The following PARP15 variants were observed in gnomAD, a reference collection of about 807,000 sequenced individuals.
PARP15 encodes the protein poly(ADP-ribose) polymerase family member 15, also known as protein mono-ADP-ribosyltransferase PARP15.
In PARP15, 50 loss-of-function variants were observed where a neutral mutation model predicts 62.1. The ratio of observed to expected loss-of-function variants is 0.81; its 90% CI spans 0.64 to 1.02. PARP15 has a LOEUF of 1.02. Among genes scored for constraint, PARP15 ranks in the 50% least tolerant of loss-of-function variants. The pLI is 0.00. For missense variants in PARP15, 820 were observed against 826.5 expected (o/e 0.99, Z 0.10); for synonymous variants, 309 against 293.1 (o/e 1.05, Z -0.55).
intron 1 of PARP15, among the ~76,000 whole-genome samples, chr3:122,595,536 C>T (rs1420941386): frequency 2.6e-5 from 4 of 152,142 alleles, no homozygotes; most frequent in Non-Finnish European, 5.9e-5. Flanking sequence ...TTTTGTCCTA[C>T]CTCAGTGGCT....
chr3:122,598,094 T>C (rs772530953), intron 1 of PARP15, among the ~76,000 whole-genome samples: 10 of 152,230 alleles, frequency 6.6e-5, no homozygotes, highest in Non-Finnish European at 8.8e-5. Flanking sequence ...TTCATATTGC[T>C]GGTATAGTGG....
At chr3:122,579,997 A>ATGTG (rs748862802) in intron 1 of PARP15, among the ~76,000 whole-genome samples, 3 of 54,432 alleles carry the variant, frequency 5.5e-5, no homozygotes, top group African/African-American at 1.6e-4. Context: ...CAGCAACTAT[A>ATGTG]TGTATATATA....
At chr3:122,631,585 A>C (rs1399646608) in intron 9 of PARP15, among the ~76,000 whole-genome samples, 1 of 152,236 alleles carries the variant, frequency 6.6e-6, no homozygotes, top group Non-Finnish European at 1.5e-5. Flanking sequence ...CTTATGGGAA[A>C]GCATTCTCTC....
At chr3:122,578,355 C>A (rs913546256) in intron 1 of PARP15, among the ~76,000 whole-genome samples, 3 of 152,252 alleles carry the variant, frequency 2.0e-5, no homozygotes, top group South Asian at 2.1e-4. Context: ...GCTTCTAGTA[C>A]TTGAACTGAT....
chr3:122,605,561 GT>G (rs1935105584), intron 1 of PARP15, among the ~76,000 whole-genome samples: 1 of 152,100 alleles, frequency 6.6e-6, no homozygotes, highest in Non-Finnish European at 1.5e-5. Flanking sequence ...TATAAGGAAA[GT>G]TTACTTATTT....
chr3:122,629,225 C>G (rs559370248), intron 9 of PARP15, among the ~76,000 whole-genome samples: 1 of 152,206 alleles, frequency 6.6e-6, no homozygotes, highest in South Asian at 2.1e-4. Flanking sequence ...TGCAGTGGTG[C>G]AATCTTGGCT....
rs764420186 is a variant in PARP15, at chr3:122,626,934, A to G, written c.1339A>G (p.Ile447Val). 1 of 1,614,004 alleles carries G rather than the reference A, an allele frequency of 6.2e-7. No homozygotes were observed. The highest frequency in any genetic ancestry group is 1.7e-5 in the Admixed American group (1 of 60,020). The change falls in exon 9 of 12, where the codon ATT (isoleucine) becomes GTT (valine). Residue 447 changes from isoleucine to valine, a missense_variant. By Grantham distance (29) the Ile-to-Val change is conservative (BLOSUM62 3). Coordinates refer to ENST00000464300, the MANE Select transcript of PARP15 (RefSeq NM_001113523.3). Reference protein sequence around the residue: ...TPSLKTVKVVIFQPELLNIFY... With the variant: ...TPSLKTVKVVVFQPELLNIFY... ...ATCATTAAAAACAGTTAAAGTTGTC[A>G]TTTTTCAACCTGAGCTGCTAAATAT... is the stretch of plus-strand genomic sequence containing the variant.
At position 122,632,090 on chromosome 3, in the gene PARP15, T is replaced by A; in HGVS notation, c.1443T>A (p.Asn481Lys). The A allele has an allele frequency of 6.2e-7, 1 of 1,614,012 alleles. No homozygotes were observed. Among genetic ancestry groups the A allele is most frequent in the East Asian group, 2.2e-5 (1 of 44,870 alleles). ...FQSTFSMTTC[N>K]LPEHWTDMNH... is the part of the protein sequence containing the mutation. ...GACCAAATGCTGACTTTCCAGGTAA[T>A]CTTCCTGAACACTGGACTGACATGA... is the stretch of plus-strand genomic sequence containing the variant. The change falls in exon 10 of 12, where the codon AAT becomes AAA. Residue 481 changes from asparagine (N) to lysine (K), a missense_variant. Asn to Lys is a moderately conservative substitution (Grantham distance 94). Around this residue, in one of 3 missense-constraint regions of PARP15, gnomAD observed 731 missense variants for 727.7 expected, o/e 1.00. Coordinates refer to ENST00000464300, the MANE Select transcript of PARP15 (RefSeq NM_001113523.3).
At chr3:122,583,534 A>G (rs13433896) in intron 1 of PARP15, among the ~76,000 whole-genome samples, 56,398 of 151,898 alleles carry the variant, frequency 0.37, 10,887 homozygotes, top group Admixed American at 0.46. Context: ...GCCAGACATT[A>G]TATGAATTTC....
intron 6 of PARP15, 116 bp from the exon 7 acceptor site, chr3:122,619,665 G>T (rs1936212048): frequency 3.5e-6 from 3 of 853,502 alleles, no homozygotes; most frequent in Non-Finnish European, 6.0e-6. Flanking sequence ...CGGGCGTGGG[G>T]GTGGTCAATG....
chr3:122,611,008 A>T (rs1366576801), intron 3 of PARP15, among the ~76,000 whole-genome samples: 2 of 152,108 alleles, frequency 1.3e-5, no homozygotes, highest in Middle Eastern at 3.2e-3. Context: ...ATTACATTCC[A>T]TGGAGAATTC....
At chr3:122,634,746 T>C (rs1341730567) in intron 10 of PARP15, among the ~76,000 whole-genome samples, 3 of 152,236 alleles carry the variant, frequency 2.0e-5, no homozygotes, top group African/African-American at 7.2e-5. Flanking sequence ...ATCATTTAGA[T>C]ATAAACCGCA....
At chr3:122,635,731 C>T (rs374694785) in intron 11 of PARP15, 80 bp from the exon 12 acceptor site, 1 of 1,478,772 alleles carries the variant, frequency 6.8e-7, no homozygotes. Flanking sequence ...ATTTAGAAAA[C>T]AATTTTGTCA....
At chr3:122,634,444 G>A (rs1233722170) in intron 10 of PARP15, among the ~76,000 whole-genome samples, 1 of 152,198 alleles carries the variant, frequency 6.6e-6, no homozygotes, top group East Asian at 1.9e-4. Flanking sequence ...CCAGTAGAGG[G>A]TGATATTTTG....
At position 122,621,583 on chromosome 3, in the gene PARP15, A is replaced by T. The variant is rs772169717; in HGVS notation, c.1203A>T (p.Thr401=). ...AAGAGTGTGAACAGAGGAAGTACACATCGGTTTCCCTTCCAGCCATTGGAA... is the reference window on the plus strand; with the variant it reads ...AAGAGTGTGAACAGAGGAAGTACACTTCGGTTTCCCTTCCAGCCATTGGAA... ...VLEECEQRKY[T]SVSLPAIGTG... Residue 401 remains threonine, a synonymous_variant, in exon 8 of 12, where the codon ACA becomes ACT. Coordinates refer to ENST00000464300, the MANE Select transcript of PARP15 (RefSeq NM_001113523.3). The T allele has an allele frequency of 1.9e-5, 31 of 1,601,810 alleles. No individual in the cohort carries two copies. Among genetic ancestry groups the T allele is most frequent in the Non-Finnish European group, 2.6e-5 (30 of 1,176,340 alleles).
chr3:122,635,853 G>T lies in PARP15; in HGVS notation c.1790G>T (p.Ser597Ile). ...GKGTYFAVDA[S>I]YSAKDTYSKP... is the part of the protein sequence containing the mutation. ...GGAACCTATTTTGCTGTGGATGCCAGTTATTCTGCCAAGGACACCTACTCC... is the reference window on the plus strand; with the variant it reads ...GGAACCTATTTTGCTGTGGATGCCATTTATTCTGCCAAGGACACCTACTCC... The change falls in exon 12 of 12, where the codon AGT becomes ATT. Residue 597 changes from serine to isoleucine, a missense_variant. Transcript: ENST00000464300. The T allele has an allele frequency of 6.2e-7, 1 of 1,614,030 alleles. No individual in the cohort carries two copies. Among genetic ancestry groups the T allele is most frequent in the Non-Finnish European group, 8.5e-7 (1 of 1,179,944 alleles).
At chr3:122,608,233 T>TC (rs1445709813) in intron 2 of PARP15, among the ~76,000 whole-genome samples, 25 of 146,706 alleles carry the variant, frequency 1.7e-4, no homozygotes, top group East Asian at 5.9e-4. Context: ...TTTTTTTTTT[T>TC]TGATACTGAG....
At chr3:122,621,632 T>C (rs368982544) in intron 8 of PARP15, 21 bp downstream of exon 8, 9 of 1,557,642 alleles carry the variant, frequency 5.8e-6, no homozygotes, top group East Asian at 2.3e-5. Context: ...TATCATTCTA[T>C]AATAAAATTT....
intron 4 of PARP15, chr3:122,615,530 C>A: frequency 8.9e-7 from 1 of 1,123,242 alleles, no homozygotes; most frequent in Non-Finnish European, 1.2e-6. Flanking sequence ...GAGCCACAGT[C>A]AGCACCCCTG....
Sources: allele counts gnomAD v4.1 joint callset (sites outside exome capture counted in the v4.1 genomes callset), GRCh38; gene constraint gnomAD v4.1.1; regional missense constraint gnomAD v4.1.1; transcripts MANE v1.5; gene names NCBI Gene and HGNC (gene_info 2026-07-23, HGNC 2026-07-21).